The following FAM227B variants were observed in gnomAD, a reference collection of about 807,000 sequenced individuals.
FAM227B encodes protein FAM227B.
FAM227B carries 88 observed loss-of-function variants against 73.8 expected under a neutral mutation model. The observed-to-expected ratio is 1.19, with a 90% confidence interval of 1.00 to 1.42. The LOEUF is 1.42. FAM227B is among the 40% of genes most tolerant of loss of function. FAM227B has a pLI of 0.00. For synonymous variants in FAM227B, 210 were observed against 190.5 expected (o/e 1.10, Z -0.84); for missense variants, 632 against 590.9 (o/e 1.07, Z -0.72).
rs759193575 is a variant in FAM227B, at chr15:49,541,679, C to T, written c.874+1G>A. The T allele has an allele frequency of 1.3e-6, 2 of 1,497,658 alleles. No homozygotes were observed. Among genetic ancestry groups the T allele is most frequent in the South Asian group, 1.5e-5 (1 of 68,652 alleles). The allele number at this position is 1,497,658 out of a possible 1,614,324, so 92.8% of individuals were successfully genotyped here. A position where few individuals can be genotyped will look rare whatever the true frequency, so the allele number is the denominator to read the frequency against. Reference sequence around the variant, plus strand: ...TTAATATTTAAATGATATATTCATACCTGAACACCAAAGAAAAATGTTATT... The same window carrying T: ...TTAATATTTAAATGATATATTCATATCTGAACACCAAAGAAAAATGTTATT... On this transcript the variant is annotated splice_donor_variant, in intron 10 of 15. Transcript: ENST00000299338. LOFTEE classifies it high-confidence loss of function.
chr15:49,548,814 C>T (rs2072347173), intron 9 of FAM227B, among the ~76,000 whole-genome samples: 1 of 152,124 alleles, frequency 6.6e-6, no homozygotes. Flanking sequence ...TACAGTTGCT[C>T]ATGGTAGCAA....
chr15:49,362,700 C>T (rs6493366), intron 13 of FAM227B, among the ~76,000 whole-genome samples: 24,540 of 151,962 alleles, frequency 0.16, 3,120 homozygotes, highest in African/African-American at 0.35. Context: ...TTTGCCATTT[C>T]CTACGTTCAG....
At chr15:49,477,335 T>C (rs1411936682) in intron 11 of FAM227B, among the ~76,000 whole-genome samples, 2 of 152,234 alleles carry the variant, frequency 1.3e-5, no homozygotes, top group African/African-American at 4.8e-5. Flanking sequence ...CAGCTTTTCA[T>C]CCTTTTTCTG....
intron 14 of FAM227B, 103 bp from the exon 15 acceptor site, chr15:49,331,952 G>T: frequency 2.8e-6 from 2 of 726,046 alleles, no homozygotes; most frequent in Non-Finnish European, 5.0e-6. Flanking sequence ...CTGGGCATTC[G>T]TCAAGCACTT....
At chr15:49,521,558 T>TA (rs149853809) in intron 10 of FAM227B, among the ~76,000 whole-genome samples, 48,076 of 151,982 alleles carry the variant, frequency 0.32, 8,184 homozygotes, top group African/African-American at 0.42. Context: ...TGTGTTCAGT[T>TA]ACACCTCCCT....
In FAM227B at chr15:49,371,278, TTTCATAA is replaced by T; in HGVS notation, c.1110+17_1110+23del. 2 of 1,435,270 alleles carry T rather than the reference TTTCATAA, an allele frequency of 1.4e-6. No homozygotes were observed. Among genetic ancestry groups the T allele is most frequent in the Non-Finnish European group, 1.9e-6 (2 of 1,028,680 alleles). The allele number at this position is 1,435,270 out of a possible 1,614,324, so 88.9% of individuals were successfully genotyped here. ...TGCAAATTAAACAAGTAAGAAATTTTTTCATAATTATTATACTCCAAACCTTTGTTGC... is the reference window on the plus strand; with the variant it reads ...TGCAAATTAAACAAGTAAGAAATTTTTTATTATACTCCAAACCTTTGTTGC... On this transcript the variant is annotated intron_variant, in intron 12 of 15. Transcript: ENST00000299338.
intron 3 of FAM227B, among the ~76,000 whole-genome samples, chr15:49,601,162 A>G (rs2077183220): frequency 1.3e-5 from 2 of 149,774 alleles, no homozygotes; most frequent in Non-Finnish European, 3.0e-5. Flanking sequence ...AAAAACCACA[A>G]TTACTGTTGC....
intron 11 of FAM227B, among the ~76,000 whole-genome samples, chr15:49,421,418 T>C (rs1268667883): frequency 1.3e-5 from 2 of 152,256 alleles, no homozygotes; most frequent in African/African-American, 4.8e-5. Context: ...TTGGATCATA[T>C]TTCCAAATTA....
Position 49,387,209 on chromosome 15 carries a change from A to G in FAM227B, c.1013-15810T>C, listed in dbSNP as rs560803955. On this transcript the variant is annotated intron_variant, in intron 11 of 15. Coordinates refer to ENST00000299338, the MANE Select transcript of FAM227B (RefSeq NM_152647.3). Reference sequence around the variant, plus strand: ...CAACAAAAAAAGAAAACTACCGATCAATTTTCCTTATGAACATAGATTCAA... The same window carrying G: ...CAACAAAAAAAGAAAACTACCGATCGATTTTCCTTATGAACATAGATTCAA... 5.9e-5 allele frequency among the ~76,000 whole-genome samples: 9 copies of G among 151,852 alleles called. No homozygotes were observed. In the South Asian group the frequency reaches 1.9e-3, roughly 31 times the overall value.
At chr15:49,544,125 C>T (rs980011948) in intron 9 of FAM227B, among the ~76,000 whole-genome samples, 1 of 152,154 alleles carries the variant, frequency 6.6e-6, no homozygotes, top group Admixed American at 6.6e-5. Context: ...TATCTGTGAG[C>T]ATGGGATGTG....
Position 49,575,125 on chromosome 15 carries a change from AG to A in FAM227B, c.547-17del. On this transcript the variant is annotated splice_polypyrimidine_tract_variant and intron_variant, in intron 7 of 15. Coordinates refer to ENST00000299338, the MANE Select transcript of FAM227B (RefSeq NM_152647.3). ...AAACTCTTTCCTATGGAAAAAAACA[AG>A]AGAGAGATGCATGGAGATTAAAATA... is the stretch of plus-strand genomic sequence containing the variant. The A allele has an allele frequency of 7.4e-7, 1 of 1,350,568 alleles. No homozygotes were observed. The highest frequency in any genetic ancestry group is 1.0e-6 in the Non-Finnish European group (1 of 954,966). 83.7% of individuals were successfully genotyped at this position (1,350,568 alleles called of 1,614,324 possible). A position where few individuals can be genotyped will look rare whatever the true frequency, so the allele number is the denominator to read the frequency against.
At chr15:49,347,069 T>C (rs1038829975) in intron 13 of FAM227B, among the ~76,000 whole-genome samples, 1 of 152,246 alleles carries the variant, frequency 6.6e-6, no homozygotes, top group African/African-American at 2.4e-5. Context: ...CCTAGAATTA[T>C]ATGTAAAATA....
chr15:49,539,416 T>C (rs1054916717), intron 10 of FAM227B, among the ~76,000 whole-genome samples: 1 of 152,142 alleles, frequency 6.6e-6, no homozygotes, highest in Non-Finnish European at 1.5e-5. Flanking sequence ...GTGGCATCAG[T>C]GTCTGATGTT....
At position 49,589,864 on chromosome 15, in the gene FAM227B, G is replaced by T; in HGVS notation, c.249C>A (p.Ile83=). The part of the protein sequence containing the change: ...NVPRIFEALL[I]MESKLKEYSL... ...AATATTCCTTTAATTTTGATTCCATGATCAAAAGTGCTTCAAATATTCGAG... is the reference window on the plus strand; with the variant it reads ...AATATTCCTTTAATTTTGATTCCATTATCAAAAGTGCTTCAAATATTCGAG... Residue 83 remains isoleucine (I), a synonymous_variant, in exon 4 of 16, where the codon ATC becomes ATA. Coordinates refer to ENST00000299338, the MANE Select transcript of FAM227B (RefSeq NM_152647.3). 1.9e-6 allele frequency: 3 copies of T among 1,606,054 alleles called. No homozygotes were observed. The highest frequency in any genetic ancestry group is 2.6e-6 in the Non-Finnish European group (3 of 1,172,790).
At position 49,468,013 on chromosome 15, in the gene FAM227B, G is replaced by A. The variant is rs1381581914; in HGVS notation, c.1012+40198C>T. ...CTTCAAATTCTGATATAGTTCTAACGCTGCTGAAACAAGCTGCTGCAACTT... is the reference window on the plus strand; with the variant it reads ...CTTCAAATTCTGATATAGTTCTAACACTGCTGAAACAAGCTGCTGCAACTT... On this transcript the variant is annotated intron_variant, in intron 11 of 15. Transcript: ENST00000299338. 3.3e-5 allele frequency among the ~76,000 whole-genome samples: 5 copies of A among 152,046 alleles called. No individual in the cohort carries two copies. In the East Asian group the frequency reaches 7.7e-4, roughly 23 times the overall value.
chr15:49,473,572 A>C (rs981194147), intron 11 of FAM227B, among the ~76,000 whole-genome samples: 1 of 152,128 alleles, frequency 6.6e-6, no homozygotes, highest in Non-Finnish European at 1.5e-5. Flanking sequence ...TGACAATCAT[A>C]TTGGAGTTGG....
chr15:49,548,532 C>T (rs912223253), intron 9 of FAM227B, among the ~76,000 whole-genome samples: 1 of 152,056 alleles, frequency 6.6e-6, no homozygotes, highest in Non-Finnish European at 1.5e-5. Flanking sequence ...AATAATACTG[C>T]CTTGTAGAAT....
At chr15:49,612,254 C>G (rs534425545) in intron 2 of FAM227B, among the ~76,000 whole-genome samples, 5 of 152,138 alleles carry the variant, frequency 3.3e-5, no homozygotes, top group Admixed American at 1.3e-4. Context: ...GTCCCCACCC[C>G]ACAACAGGCC....
At chr15:49,373,082 C>T (rs989799185) in intron 11 of FAM227B, among the ~76,000 whole-genome samples, 1 of 151,714 alleles carries the variant, frequency 6.6e-6, no homozygotes, top group African/African-American at 2.4e-5. Context: ...ACATATAATA[C>T]TTAATATATA....
Sources: allele counts gnomAD v4.1 joint callset (sites outside exome capture counted in the v4.1 genomes callset), GRCh38; gene constraint gnomAD v4.1.1; transcripts MANE v1.5; gene names NCBI Gene and HGNC (gene_info 2026-07-23, HGNC 2026-07-21).